The following EIF2B3 variants were observed in gnomAD, a reference collection of about 807,000 sequenced individuals.
EIF2B3 encodes the protein eukaryotic translation initiation factor 2B subunit gamma.
EIF2B3 carries 20 observed loss-of-function variants against 54.1 expected under a neutral mutation model. The observed-to-expected ratio is 0.37, with a 90% CI of 0.26 to 0.54. The LOEUF is 0.54. Ranked by LOEUF, EIF2B3 falls within the 20% of genes least tolerant of loss-of-function variation. The pLI, the probability that EIF2B3 is intolerant of heterozygous loss-of-function variation, is 0.86. For synonymous variants in EIF2B3, 153 were observed against 188.1 expected, an observed-to-expected ratio of 0.81 and a Z score of 1.52; for missense variants, 448 against 547.8, an observed-to-expected ratio of 0.82 and a Z score of 1.82.
intron 5 of EIF2B3, among the ~76,000 whole-genome samples, chr1:44,904,151 G>A (rs1643369449): frequency 6.6e-6 from 1 of 152,148 alleles, no homozygotes; most frequent in South Asian, 2.1e-4. Flanking sequence ...TGCACAGAAT[G>A]ACTTTTTCCT....
At chr1:44,956,488 TA>T (rs11430877) in intron 3 of EIF2B3, among the ~76,000 whole-genome samples, 13 of 150,608 alleles carry the variant, frequency 8.6e-5, no homozygotes, top group East Asian at 3.9e-4. Flanking sequence ...ACTTAAAGTA[TA>T]AAAAAAAATC....
At chr1:44,856,819 T>G (rs1654447373) in intron 11 of EIF2B3, among the ~76,000 whole-genome samples, 1 of 152,184 alleles carries the variant, frequency 6.6e-6, no homozygotes, top group South Asian at 2.1e-4. Flanking sequence ...TTATTATTAT[T>G]TTTAAGACAG....
At chr1:44,870,656 G>GTTTT (rs112585793) in intron 10 of EIF2B3, among the ~76,000 whole-genome samples, 1 of 143,450 alleles carries the variant, frequency 7.0e-6, no homozygotes, top group Non-Finnish European at 1.5e-5. Context: ...CAGTTCTCAG[G>GTTTT]TTTTTTTTTT....
At chr1:44,973,786 G>C (rs1352730936) in intron 3 of EIF2B3, among the ~76,000 whole-genome samples, 2 of 152,140 alleles carry the variant, frequency 1.3e-5, no homozygotes, top group Non-Finnish European at 2.9e-5. Flanking sequence ...ATAGGAAGTA[G>C]AATGGTAGCT....
intron 3 of EIF2B3, among the ~76,000 whole-genome samples, chr1:44,941,992 A>G (rs1644029384): frequency 6.6e-6 from 1 of 152,196 alleles, no homozygotes; most frequent in African/African-American, 2.4e-5. Context: ...TCTTATATTT[A>G]TACATCTCTT....
chr1:44,966,582 G>A (rs973347767), intron 3 of EIF2B3, among the ~76,000 whole-genome samples: 24 of 152,196 alleles, frequency 1.6e-4, no homozygotes, highest in African/African-American at 5.5e-4. Flanking sequence ...AGGAACAGTG[G>A]AGGAAGATCT....
intron 3 of EIF2B3, among the ~76,000 whole-genome samples, chr1:44,953,340 T>C (rs1644189212): frequency 6.6e-6 from 1 of 152,096 alleles, no homozygotes; most frequent in African/African-American, 2.4e-5. Context: ...TTCCTTCATA[T>C]CATAATTTCT....
At chr1:44,934,399 A>AAAAAC (rs200622867) in intron 4 of EIF2B3, among the ~76,000 whole-genome samples, 1,598 of 152,010 alleles carry the variant, frequency 0.011, 32 homozygotes, top group African/African-American at 0.036. Flanking sequence ...CTCTGTCTCA[A>AAAAAC]AAAACAAAAC....
intron 10 of EIF2B3, among the ~76,000 whole-genome samples, chr1:44,862,366 G>A (rs1032667351): frequency 6.6e-6 from 1 of 152,126 alleles, no homozygotes; most frequent in Non-Finnish European, 1.5e-5. Flanking sequence ...AAACTGTAAC[G>A]TTTCAGTGGA....
chr1:44,888,926 C>T (rs1655697866), intron 6 of EIF2B3, among the ~76,000 whole-genome samples: 1 of 152,160 alleles, frequency 6.6e-6, no homozygotes, highest in African/African-American at 2.4e-5. Flanking sequence ...TTTGCAAGCA[C>T]AAAATTAACT....
chr1:44,947,251 GCAAGGTTT>G (rs550089951), intron 3 of EIF2B3, among the ~76,000 whole-genome samples: 9 of 152,170 alleles, frequency 5.9e-5, no homozygotes, highest in Admixed American at 3.3e-4. Context: ...ATAGAAACAT[GCAAGGTTT>G]CAAGGGAAGG....
At chr1:44,871,607 G>A (rs924438716) in intron 10 of EIF2B3, among the ~76,000 whole-genome samples, 7 of 152,096 alleles carry the variant, frequency 4.6e-5, no homozygotes, top group Non-Finnish European at 1.0e-4. Context: ...AGTTCCTGTA[G>A]GCCCTCAGGA....
At chr1:44,941,825 T>C (rs989084432) in intron 3 of EIF2B3, among the ~76,000 whole-genome samples, 160 bp from the exon 4 acceptor site, 3 of 152,178 alleles carry the variant, frequency 2.0e-5, no homozygotes, top group Non-Finnish European at 4.4e-5. Flanking sequence ...GTTGTTCTCA[T>C]TGAATTGTGC....
intron 1 of EIF2B3, 135 bp downstream of exon 1, chr1:44,986,358 A>G (rs1273464571): frequency 1.3e-5 from 2 of 152,110 alleles, no homozygotes; most frequent in Non-Finnish European, 2.9e-5. Flanking sequence ...CTTCGGACAC[A>G]GCTACACCGG....
At chr1:44,916,957 T>C (rs935662972) in intron 5 of EIF2B3, among the ~76,000 whole-genome samples, 3 of 152,212 alleles carry the variant, frequency 2.0e-5, no homozygotes, top group African/African-American at 7.2e-5. Context: ...TCTATCAATC[T>C]GCATACTCAG....
At position 44,850,652 on chromosome 1, in the gene EIF2B3, A is replaced by C; in HGVS notation, c.*299T>G. ...CAGCCAGTCAGAAAGTAGCCTTCCT[A>C]GGAGCTTTACATTGGACAGCTGCTG... On this transcript the variant is annotated 3_prime_UTR_variant, in exon 12 of 12. Transcript: ENST00000360403. The C allele has an allele frequency of 2.2e-6, 1 of 460,704 alleles. No individual in the cohort carries two copies. The highest frequency in any genetic ancestry group is 3.9e-6 in the Non-Finnish European group (1 of 255,976). The allele number at this position is 460,704 out of a possible 1,614,324, so 28.5% of individuals were successfully genotyped here.
chr1:44,876,130 G>C (rs1287128674), intron 8 of EIF2B3, among the ~76,000 whole-genome samples: 1 of 152,142 alleles, frequency 6.6e-6, no homozygotes. Context: ...ATCTCGGCTA[G>C]CTACAACCAC....
intron 2 of EIF2B3, among the ~76,000 whole-genome samples, chr1:44,979,277 A>C (rs958556992): frequency 2.6e-5 from 4 of 151,482 alleles, no homozygotes; most frequent in Non-Finnish European, 5.9e-5. Flanking sequence ...AAAAAACCTC[A>C]GGTCTATATG....
intron 3 of EIF2B3, among the ~76,000 whole-genome samples, chr1:44,967,948 G>C (rs930038959): frequency 2.7e-4 from 41 of 152,104 alleles, no homozygotes; most frequent in African/African-American, 9.7e-4. Flanking sequence ...TGAGACAGGA[G>C]AATCGCTTGA....
Sources: gnomAD v4.1 joint callset for allele counts (sites outside exome capture counted in the v4.1 genomes callset) on GRCh38, gnomAD v4.1.1 for gene constraint, MANE v1.5 for transcripts, NCBI Gene and HGNC (gene_info 2026-07-23, HGNC 2026-07-21) for gene names.